The following TYW1B variants were observed in gnomAD, a reference collection of about 807,000 sequenced individuals.
The protein encoded by TYW1B is S-adenosyl-L-methionine-dependent tRNA 4-demethylwyosine synthase TYW1B.
In TYW1B, 73 loss-of-function variants were observed where a neutral mutation model predicts 86.9. The ratio of observed to expected loss-of-function variants is 0.84; its 90% CI spans 0.70 to 1.02. TYW1B has a LOEUF of 1.02. Among genes scored for constraint, TYW1B ranks in the 50% least tolerant of loss-of-function variants. TYW1B has a pLI of 0.00. For synonymous variants in TYW1B, 248 were observed against 292.8 expected (o/e 0.85, Z 1.56); for missense variants, 637 against 827.4 (o/e 0.77, Z 2.82).
intron 11 of TYW1B, among the ~76,000 whole-genome samples, chr7:72,637,476 T>C (rs1389874371): frequency 1.3e-5 from 2 of 152,002 alleles, no homozygotes; most frequent in Non-Finnish European, 2.9e-5. Context: ...TATAGTGATG[T>C]TTCATTTTCA....
chr7:72,725,541 T>C (rs1279665216), intron 9 of TYW1B, among the ~76,000 whole-genome samples: 6 of 152,200 alleles, frequency 3.9e-5, no homozygotes, highest in African/African-American at 1.4e-4. Flanking sequence ...GTCCAGATAT[T>C]TGTTCAGCCA....
intron 9 of TYW1B, among the ~76,000 whole-genome samples, chr7:72,722,036 C>A (rs1420722149): frequency 4.6e-5 from 7 of 152,204 alleles, no homozygotes; most frequent in Non-Finnish European, 7.3e-5. Flanking sequence ...CATAACAATG[C>A]AGTTCCGGGC....
Position 72,627,508 on chromosome 7 carries a change from AACAT to A in TYW1B, c.1617+1375_1617+1378del, listed in dbSNP as rs1554439089. ...AACATAACATAACATAACATAACAT[AACAT>A]AAATAAAATAAAATAAAATAAAATG... On this transcript the variant is annotated intron_variant, in intron 12 of 13. Coordinates refer to ENST00000620995, the MANE Select transcript of TYW1B (RefSeq NM_001145440.3). Among the ~76,000 whole-genome samples the A allele has an allele frequency of 2.9e-3, 429 of 148,848 alleles. 1 individual carries two copies. Among genetic ancestry groups the A allele is most frequent in the East Asian group, 0.025 (126 of 5,104 alleles).
intron 13 of TYW1B, among the ~76,000 whole-genome samples, chr7:72,606,927 A>G (rs1374429808): frequency 3.3e-5 from 5 of 152,192 alleles, no homozygotes; most frequent in Admixed American, 6.5e-5. Context: ...ATAACACCTA[A>G]AATGTCTGAG....
chr7:72,608,951 AACAC>A (rs1260905976), intron 13 of TYW1B, among the ~76,000 whole-genome samples: 1 of 152,232 alleles, frequency 6.6e-6, no homozygotes, highest in Non-Finnish European at 1.5e-5. Context: ...CACAGAACTA[AACAC>A]ACACATGTGA....
chr7:72,691,332 C>G (rs1774367461), intron 11 of TYW1B, among the ~76,000 whole-genome samples: 1 of 152,150 alleles, frequency 6.6e-6, no homozygotes, highest in African/African-American at 2.4e-5. Flanking sequence ...AAGTCACTGC[C>G]CTAATGTGTG....
chr7:72,659,317 G>T (rs1349355946), intron 11 of TYW1B, among the ~76,000 whole-genome samples: 1 of 152,102 alleles, frequency 6.6e-6, no homozygotes, highest in African/African-American at 2.4e-5. Context: ...GGTGGCTCAC[G>T]CCTGCAATCC....
At chr7:72,776,355 T>C (rs1225192880) in intron 7 of TYW1B, among the ~76,000 whole-genome samples, 3 of 151,540 alleles carry the variant, frequency 2.0e-5, no homozygotes, top group Non-Finnish European at 4.4e-5. Context: ...GAGGCTGAGG[T>C]GGCAGATCAC....
At chr7:72,757,537 T>C (rs1455313299) in intron 7 of TYW1B, among the ~76,000 whole-genome samples, 1 of 152,080 alleles carries the variant, frequency 6.6e-6, no homozygotes, top group African/African-American at 2.4e-5. Flanking sequence ...AATACATCAG[T>C]GGCACAGAAT....
intron 11 of TYW1B, among the ~76,000 whole-genome samples, chr7:72,673,758 G>A (rs188366602): frequency 9.9e-5 from 15 of 152,036 alleles, no homozygotes; most frequent in South Asian, 4.2e-4. Context: ...GAGTATAATC[G>A]GATTGTTTGT....
At chr7:72,630,587 C>T (rs182354067) in intron 11 of TYW1B, among the ~76,000 whole-genome samples, 27 of 151,656 alleles carry the variant, frequency 1.8e-4, no homozygotes, top group Non-Finnish European at 3.2e-4. Flanking sequence ...AGACTTCCAA[C>T]ATTAATAAAA....
intron 13 of TYW1B, among the ~76,000 whole-genome samples, chr7:72,577,807 T>A (rs1329871645): frequency 2.6e-5 from 4 of 152,244 alleles, no homozygotes; most frequent in Admixed American, 1.3e-4. Context: ...TGGTGAGCTG[T>A]GGTCCTCTCA....
At chr7:72,756,455 G>A (rs1585959433) in intron 7 of TYW1B, among the ~76,000 whole-genome samples, 1 of 151,594 alleles carries the variant, frequency 6.6e-6, no homozygotes. Flanking sequence ...GGCTGGTCTC[G>A]AACTCCTGAC....
intron 11 of TYW1B, among the ~76,000 whole-genome samples, chr7:72,663,486 C>T (rs1241452622): frequency 3.9e-5 from 6 of 151,938 alleles, no homozygotes; most frequent in Admixed American, 6.6e-5. Flanking sequence ...AAGCCGGGCA[C>T]GGTGGCTCCC....
intron 13 of TYW1B, among the ~76,000 whole-genome samples, chr7:72,612,190 G>A (rs1453584577): frequency 6.6e-6 from 1 of 152,118 alleles, no homozygotes; most frequent in African/African-American, 2.4e-5. Context: ...GGATAGGAGG[G>A]ATTTAATTAG....
At chr7:72,781,321 AGATCATGTCTT>A (rs2129572100) in intron 6 of TYW1B, among the ~76,000 whole-genome samples, 1 of 152,240 alleles carries the variant, frequency 6.6e-6, no homozygotes, top group South Asian at 2.1e-4. Flanking sequence ...TGAGCCAATC[AGATCATGTCTT>A]GGCATCACCC....
intron 11 of TYW1B, among the ~76,000 whole-genome samples, chr7:72,632,336 CGT>C (rs1469495620): frequency 1.3e-5 from 1 of 75,916 alleles, no homozygotes; most frequent in Non-Finnish European, 2.2e-5. Context: ...TATATATACA[CGT>C]ATATATATTA....
chr7:72,755,748 G>T (rs1459016805), intron 7 of TYW1B, among the ~76,000 whole-genome samples: 1 of 152,192 alleles, frequency 6.6e-6, no homozygotes, highest in Non-Finnish European at 1.5e-5. Context: ...AAAACAGGAA[G>T]AAGAGTTTCT....
At chr7:72,701,810 T>A (rs1365330180) in intron 10 of TYW1B, among the ~76,000 whole-genome samples, 2 of 152,176 alleles carry the variant, frequency 1.3e-5, no homozygotes, top group Non-Finnish European at 2.9e-5. Context: ...GACAGAGATA[T>A]CCTTAAATGC....
Sources: gnomAD v4.1 joint callset for allele counts (sites outside exome capture counted in the v4.1 genomes callset) on GRCh38, gnomAD v4.1.1 for gene constraint, MANE v1.5 for transcripts, NCBI Gene and HGNC (gene_info 2026-07-23, HGNC 2026-07-21) for gene names.